CRIP3: variants seen among roughly 807,000 people sequenced by gnomAD.
The protein encoded by CRIP3 is cysteine rich protein 3, also known as cysteine-rich protein 3.
A neutral mutation model predicts 30.3 loss-of-function variants in CRIP3; 23 were observed. That is an observed-to-expected ratio of 0.76 (90% CI 0.55 to 1.08). The LOEUF (loss-of-function observed/expected upper bound fraction) is 1.08, where lower values mean the gene tolerates loss of function less well. Among genes scored for constraint, CRIP3 ranks in the 50% least tolerant of loss-of-function variants. The pLI is 0.00. For missense variants in CRIP3, 261 were observed against 259.3 expected (o/e 1.01, Z -0.04); for synonymous variants, 89 against 97.6 (o/e 0.91, Z 0.52).
Position 43,307,976 on chromosome 6 carries a change from C to T in CRIP3, c.139-80G>A, listed in dbSNP as rs541337690. 99 of 1,477,822 alleles carry T rather than the reference C, an allele frequency of 6.7e-5. 1 individual carries two copies. Among genetic ancestry groups the T allele is most frequent in the Admixed American group, 3.0e-4 (17 of 56,012 alleles). 91.5% of individuals were successfully genotyped at this position (1,477,822 alleles called of 1,614,324 possible). A position where few individuals can be genotyped will look rare whatever the true frequency, so the allele number is the denominator to read the frequency against. On this transcript the variant is annotated intron_variant, in intron 2 of 7. Coordinates refer to ENST00000372569, the MANE Select transcript of CRIP3 (RefSeq NM_206922.3). ...ACAGGCCTTCACCCCAGACAGGCTG[C>T]CAGGTGTGTCTGTCCACTGGCTGAG... is the stretch of plus-strand genomic sequence containing the variant.
intron 1 of CRIP3, 31 bp downstream of exon 1, chr6:43,308,719 A>G (rs1404425657): frequency 6.2e-7 from 1 of 1,613,578 alleles, no homozygotes; most frequent in East Asian, 2.2e-5. Context: ...CATTCGCCCC[A>G]TCTTCTCCCC....
In CRIP3 at chr6:43,307,861, A is replaced by G; in HGVS notation, c.174T>C (p.Tyr58=). 4 of 1,613,994 alleles carry G rather than the reference A, an allele frequency of 2.5e-6. No individual in the cohort carries two copies. The highest frequency in any genetic ancestry group is 3.4e-6 in the Non-Finnish European group (4 of 1,180,014). Residue 58 remains tyrosine (Y), a synonymous_variant, in exon 3 of 8, where the codon TAT becomes TAC. Transcript: ENST00000372569. ...TACCCCTGGGTCCAAAGAGAGCCCC[A>G]TAGCATGGCTTGTGGCAGTATGGCC... ...NGRPYCHKPC[Y]GALFGPRGVN... is the part of the protein sequence containing the mutation.
chr6:43,305,741 T>G lies in CRIP3; in HGVS notation c.*73A>C. The stretch of plus-strand genomic sequence containing the variant: ...CCCCAACCCCCATGGGACTGGAGAT[T>G]TTTGTAGCTTCCATTGGACCATGAG... On this transcript the variant is annotated 3_prime_UTR_variant, in exon 8 of 8. Transcript: ENST00000372569. 6.3e-7 allele frequency: 1 copy of G among 1,587,604 alleles called. No individual in the cohort carries two copies. The highest frequency in any genetic ancestry group is 8.6e-7 in the Non-Finnish European group (1 of 1,156,968).
Position 43,307,675 on chromosome 6 carries a change from G to A in CRIP3, c.265C>T (p.Pro89Ser), listed in dbSNP as rs1402193197. 6.6e-7 allele frequency: 1 copy of A among 1,514,406 alleles called. No individual in the cohort carries two copies. Among genetic ancestry groups the A allele is most frequent in the Non-Finnish European group, 8.9e-7 (1 of 1,128,196 alleles). The allele number at this position is 1,514,406 out of a possible 1,614,324, so 93.8% of individuals were successfully genotyped here. The change falls in exon 4 of 8, where the codon CCT becomes TCT. Residue 89 changes from proline (P) to serine (S), a missense_variant. Transcript: ENST00000372569. Reference sequence around the variant, plus strand: ...GGGCTGAAGCTGCTGGGGCTGAGAGGAGTGGTGCAGCCAGGGCTGGGAGTG... The same window carrying A: ...GGGCTGAAGCTGCTGGGGCTGAGAGAAGTGGTGCAGCCAGGGCTGGGAGTG... ...PPTPSPGCTT[P>S]LSPSSFSPPR...
In CRIP3 at chr6:43,306,107, G is replaced by A. The variant is rs746878328; in HGVS notation, c.513C>T (p.Tyr171=). 1.9e-6 allele frequency: 3 copies of A among 1,613,924 alleles called. No homozygotes were observed. The South Asian group carries it at 3.3e-5, about 18-fold the overall frequency. The change falls in exon 7 of 8, where the codon TAC becomes TAT. Residue 171 remains tyrosine, a synonymous_variant. Transcript: ENST00000372569. ...GSHAEHDGVP[Y]CHVPCYGYLF... is the part of the protein sequence containing the mutation. ...GGTAGCCGTAGCAGGGGACGTGGCA[G>A]TAGGGGACTCCATCATGCTGAGACA...
intron 1 of CRIP3, 53 bp from the exon 2 acceptor site, chr6:43,308,462 C>T (rs1778993493): frequency 6.8e-7 from 1 of 1,478,696 alleles, no homozygotes; most frequent in Non-Finnish European, 9.4e-7. Flanking sequence ...AAGCATAGGG[C>T]CCCTCCTTTC....
chr6:43,305,990 A>G (rs1234815580), intron 7 of CRIP3, 77 bp downstream of exon 7: 1 of 1,606,622 alleles, frequency 6.2e-7, no homozygotes. Context: ...AGTTGTCCAC[A>G]CATACCCACA....
In CRIP3 at chr6:43,307,673, A is replaced by G. The variant is rs1778974765; in HGVS notation, c.267T>C (p.Pro89=). 1 of 1,508,056 alleles carries G rather than the reference A, an allele frequency of 6.6e-7. No homozygotes were observed. The highest frequency in any genetic ancestry group is 8.9e-7 in the Non-Finnish European group (1 of 1,125,636). 93.4% of individuals were successfully genotyped at this position (1,508,056 alleles called of 1,614,324 possible). A position where few individuals can be genotyped will look rare whatever the true frequency, so the allele number is the denominator to read the frequency against. ...PPTPSPGCTT[P]LSPSSFSPPR... The stretch of plus-strand genomic sequence containing the variant: ...GAGGGCTGAAGCTGCTGGGGCTGAG[A>G]GGAGTGGTGCAGCCAGGGCTGGGAG... The change falls in exon 4 of 8, where the codon CCT becomes CCC. Residue 89 remains proline, a synonymous_variant. Coordinates refer to ENST00000372569, the MANE Select transcript of CRIP3 (RefSeq NM_206922.3).
At chr6:43,308,022 T>TG (rs1778983506) in intron 2 of CRIP3, 126 bp from the exon 3 acceptor site, 1 of 1,030,194 alleles carries the variant, frequency 9.7e-7, no homozygotes, top group African/African-American at 1.6e-5. Flanking sequence ...CTGGGAGGGG[T>TG]GGGGGATGGG....
chr6:43,308,819 C>A lies in CRIP3; in HGVS notation c.-27G>T. On this transcript the variant is annotated 5_prime_UTR_variant, in exon 1 of 8. Coordinates refer to ENST00000372569, the MANE Select transcript of CRIP3 (RefSeq NM_206922.3). ...GCTCCGCTCCAGGCAGCGCACGCGG[C>A]ACACAGTAGGTACGCCGCTGCGGCT... The A allele has an allele frequency of 6.2e-7, 1 of 1,613,754 alleles. No homozygotes were observed. Among genetic ancestry groups the A allele is most frequent in the Non-Finnish European group, 8.5e-7 (1 of 1,179,898 alleles).
At chr6:43,308,468 C>A (rs1173969982) in intron 1 of CRIP3, 59 bp from the exon 2 acceptor site, 1 of 1,464,118 alleles carries the variant, frequency 6.8e-7, no homozygotes, top group Non-Finnish European at 9.5e-7. Flanking sequence ...AGGGCCCCTC[C>A]TTTCCCTCTT....
In CRIP3 at chr6:43,307,758, G is replaced by C; in HGVS notation, c.197-15C>G. The C allele has an allele frequency of 1.2e-6, 2 of 1,604,968 alleles. No individual in the cohort carries two copies. Among genetic ancestry groups the C allele is most frequent in the Non-Finnish European group, 1.7e-6 (2 of 1,173,498 alleles). On this transcript the variant is annotated splice_polypyrimidine_tract_variant and intron_variant, in intron 3 of 7. Coordinates refer to ENST00000372569, the MANE Select transcript of CRIP3 (RefSeq NM_206922.3). ...AATGTTCACCCCTGAAGAGAGAATA[G>C]GGGAGGTCAGGCTTGAGCCCCCAGC...
At chr6:43,308,635 C>T (rs763913525) in intron 1 of CRIP3, 115 bp downstream of exon 1, 670 of 1,316,178 alleles carry the variant, frequency 5.1e-4, no homozygotes, top group Non-Finnish European at 5.8e-4. Flanking sequence ...GACTACCAGC[C>T]GCTGCAGGTG....
At position 43,308,334 on chromosome 6, in the gene CRIP3, G is replaced by A; in HGVS notation, c.119C>T (p.Ser40Phe). The A allele has an allele frequency of 6.2e-7, 1 of 1,612,910 alleles. No homozygotes were observed. Among genetic ancestry groups the A allele is most frequent in the Non-Finnish European group, 8.5e-7 (1 of 1,179,684 alleles). Reference protein sequence around the residue: ...LKCERCHSILSPGGHAEHNGR... With the variant: ...LKCERCHSILFPGGHAEHNGR... ...TCTTACCTCTGCATGCCCGCCAGGG[G>A]ACAGGATGCTGTGGCAGCGCTCACA... Residue 40 changes from serine to phenylalanine, a missense_variant, in exon 2 of 8, where the codon TCC becomes TTC. By Grantham distance (155) the Ser-to-Phe change is radical. Coordinates refer to ENST00000372569, the MANE Select transcript of CRIP3 (RefSeq NM_206922.3).
In CRIP3 at chr6:43,305,735, G is replaced by A; in HGVS notation, c.*79C>T. On this transcript the variant is annotated 3_prime_UTR_variant, in exon 8 of 8. Coordinates refer to ENST00000372569, the MANE Select transcript of CRIP3 (RefSeq NM_206922.3). ...CACCTTCCCCAACCCCCATGGGACTGGAGATTTTTGTAGCTTCCATTGGAC... is the reference window on the plus strand; with the variant it reads ...CACCTTCCCCAACCCCCATGGGACTAGAGATTTTTGTAGCTTCCATTGGAC... The A allele has an allele frequency of 7.6e-6, 12 of 1,570,952 alleles. No individual in the cohort carries two copies. The highest frequency in any genetic ancestry group is 1.1e-5 in the Non-Finnish European group (12 of 1,141,818).
At chr6:43,306,667 C>G (rs1407569841) in intron 4 of CRIP3, 150 bp from the exon 5 acceptor site, 14 of 637,454 alleles carry the variant, frequency 2.2e-5, no homozygotes, top group Non-Finnish European at 3.9e-5. Context: ...AGGCCCAGAG[C>G]TGAGCCCCCT....
chr6:43,306,059 C>G lies in CRIP3; in HGVS notation c.553+8G>C, dbSNP rs754990737. ...TGCCATCCCAGTGTCTGGGATGGGG[C>G]TGCCCACCTTTGGGGCCAAACAGGT... is the stretch of plus-strand genomic sequence containing the variant. On this transcript the variant is annotated splice_region_variant and intron_variant, in intron 7 of 7. Coordinates refer to ENST00000372569, the MANE Select transcript of CRIP3 (RefSeq NM_206922.3). The G allele has an allele frequency of 6.2e-7, 1 of 1,612,326 alleles. No individual in the cohort carries two copies. Among genetic ancestry groups the G allele is most frequent in the Non-Finnish European group, 8.5e-7 (1 of 1,179,066 alleles).
In CRIP3 at chr6:43,308,341, T is replaced by A. The variant is rs373796421; in HGVS notation, c.112A>T (p.Ile38Phe). 24 of 1,612,658 alleles carry A rather than the reference T, an allele frequency of 1.5e-5. No individual in the cohort carries two copies. Among genetic ancestry groups the A allele is most frequent in the Non-Finnish European group, 2.0e-5 (24 of 1,179,628 alleles). The change falls in exon 2 of 8, where the codon ATC becomes TTC. Residue 38 changes from isoleucine (I) to phenylalanine (F), a missense_variant. Transcript: ENST00000372569. ...FCLKCERCHS[I>F]LSPGGHAEHN... The stretch of plus-strand genomic sequence containing the variant: ...TCTGCATGCCCGCCAGGGGACAGGA[T>A]GCTGTGGCAGCGCTCACATTTCAGG...
rs764334753 is a variant in CRIP3, at chr6:43,308,358, C to A, written c.95G>T (p.Cys32Phe). The change falls in exon 2 of 8, where the codon TGT (cysteine) becomes TTT (phenylalanine). Residue 32 changes from cysteine to phenylalanine, a missense_variant. Coordinates refer to ENST00000372569, the MANE Select transcript of CRIP3 (RefSeq NM_206922.3). Reference protein sequence around the residue: ...GKNWHRFCLKCERCHSILSPG... With the variant: ...GKNWHRFCLKFERCHSILSPG... ...GGACAGGATGCTGTGGCAGCGCTCA[C>A]ATTTCAGGCAGAAGCGGTGCCAGTT... 1 of 1,612,738 alleles carries A rather than the reference C, an allele frequency of 6.2e-7. No individual in the cohort carries two copies. The highest frequency in any genetic ancestry group is 1.1e-5 in the South Asian group (1 of 90,818).
Sources: allele counts gnomAD v4.1 joint callset, GRCh38; gene constraint gnomAD v4.1.1; transcripts MANE v1.5; gene names NCBI Gene and HGNC (gene_info 2026-07-23, HGNC 2026-07-21).